Variants in MMP26 observed in about 807,000 individuals in gnomAD.
MMP26 encodes the protein matrix metallopeptidase 26, also known as matrix metalloproteinase-26.
In MMP26, 33 loss-of-function variants were observed where a neutral mutation model predicts 31.0. That is an observed-to-expected ratio of 1.06 (90% CI 0.81 to 1.42). MMP26 has a LOEUF of 1.42. Among genes scored for constraint, MMP26 ranks in the 40% most tolerant of loss-of-function variants. MMP26 has a pLI of 0.00. For missense variants in MMP26, 347 were observed against 316.1 expected (o/e 1.10, Z -0.74); for synonymous variants, 122 against 114.9 (o/e 1.06, Z -0.40).
chr11:4,864,934 G>T (rs1248519792), intron 2 of MMP26, among the ~76,000 whole-genome samples: 1 of 151,972 alleles, frequency 6.6e-6, no homozygotes, highest in Non-Finnish European at 1.5e-5. Flanking sequence ...TAGAGTTCGT[G>T]AGTCTTATAT....
chr11:4,776,540 T>G (rs1019567897), intron 2 of MMP26, among the ~76,000 whole-genome samples: 1 of 152,126 alleles, frequency 6.6e-6, no homozygotes, highest in African/African-American at 2.4e-5. Flanking sequence ...CTCTGATGAT[T>G]AGTGATATGG....
chr11:4,883,986 A>G (rs1041534174), intron 2 of MMP26, among the ~76,000 whole-genome samples: 6 of 152,110 alleles, frequency 3.9e-5, no homozygotes, highest in Admixed American at 1.3e-4. Context: ...CTTGGCAGAT[A>G]GGGAACACCA....
At chr11:4,949,338 G>A (rs1846349070) in intron 2 of MMP26, among the ~76,000 whole-genome samples, 1 of 122,650 alleles carries the variant, frequency 8.2e-6, no homozygotes, top group Non-Finnish European at 1.8e-5. Flanking sequence ...TACATAATAT[G>A]TTTTAAAAGT....
chr11:4,935,039 G>C, intron 2 of MMP26, among the ~76,000 whole-genome samples: 1 of 151,664 alleles, frequency 6.6e-6, no homozygotes, highest in East Asian at 1.9e-4. Context: ...TTTTGGCTTA[G>C]GATTGACTTG....
intron 2 of MMP26, among the ~76,000 whole-genome samples, chr11:4,911,503 C>T (rs1006019773): frequency 6.6e-6 from 1 of 152,136 alleles, no homozygotes; most frequent in African/African-American, 2.4e-5. Flanking sequence ...CTCTCTCAAC[C>T]ATCTTCAATT....
At chr11:4,946,579 G>A (rs375550618) in intron 2 of MMP26, 2 of 1,583,102 alleles carry the variant, frequency 1.3e-6, no homozygotes, top group African/African-American at 2.7e-5. Flanking sequence ...GGGATAATTG[G>A]TTTTTCTTGC....
intron 1 of MMP26, chr11:4,719,339 G>C (rs780552505): frequency 2.6e-5 from 4 of 153,470 alleles, no homozygotes; most frequent in Non-Finnish European, 4.4e-5. Flanking sequence ...TTCAGCACAT[G>C]TATCTCCCAT....
chr11:4,957,192 A>C (rs7942178), intron 2 of MMP26, among the ~76,000 whole-genome samples: 1 of 152,224 alleles, frequency 6.6e-6, no homozygotes, highest in African/African-American at 2.4e-5. Flanking sequence ...TTTTAAATTA[A>C]GATACACACA....
chr11:4,798,966 T>G (rs1405810044), intron 2 of MMP26, among the ~76,000 whole-genome samples: 1 of 152,196 alleles, frequency 6.6e-6, no homozygotes, highest in Non-Finnish European at 1.5e-5. Context: ...CACGAAAAGC[T>G]GATGTACCAG....
intron 1 of MMP26, among the ~76,000 whole-genome samples, chr11:4,731,729 T>G (rs1260934996): frequency 6.6e-6 from 1 of 152,240 alleles, no homozygotes; most frequent in Non-Finnish European, 1.5e-5. Flanking sequence ...CATGTGTGGG[T>G]TCATACATGT....
intron 2 of MMP26, chr11:4,914,291 C>A (rs1175608136): frequency 6.2e-6 from 1 of 160,782 alleles, no homozygotes; most frequent in Non-Finnish European, 1.4e-5. Flanking sequence ...GTTTCAAAAA[C>A]AAGCGTTGAG....
chr11:4,945,679 A>C (rs12789377), intron 2 of MMP26: 27,686 of 190,656 alleles, frequency 0.15, 2,185 homozygotes, highest in South Asian at 0.17. Context: ...TATGCTCACT[A>C]CCCGGGTCCC....
intron 1 of MMP26, among the ~76,000 whole-genome samples, chr11:4,758,026 GCATATGTACA>G (rs931607527): frequency 6.6e-6 from 1 of 152,108 alleles, no homozygotes; most frequent in East Asian, 1.9e-4. Flanking sequence ...AGGAATGAAA[GCATATGTACA>G]CACAATACAT....
intron 2 of MMP26, among the ~76,000 whole-genome samples, chr11:4,822,973 T>C (rs1404345088): frequency 6.6e-6 from 1 of 152,166 alleles, no homozygotes; most frequent in African/African-American, 2.4e-5. Context: ...AGTTGGTAAT[T>C]ACATTGTTAA....
chr11:4,923,357 CCT>C (rs1851212200), intron 2 of MMP26: 4 of 1,519,516 alleles, frequency 2.6e-6, no homozygotes, highest in Admixed American at 2.2e-5. Flanking sequence ...TCCAAAACTT[CCT>C]CTCTTTACTC....
chr11:4,845,706 A>T (rs1409488662), intron 2 of MMP26, among the ~76,000 whole-genome samples: 1 of 152,188 alleles, frequency 6.6e-6, no homozygotes, highest in East Asian at 1.9e-4. Context: ...CTGACAAAGG[A>T]TTAATAACTA....
chr11:4,769,243 G>A (rs150300273), intron 2 of MMP26: 201 of 1,613,602 alleles, frequency 1.2e-4, no homozygotes, highest in Non-Finnish European at 1.6e-4. Flanking sequence ...TGAGGACAGA[G>A]TGAATAATTA....
At chr11:4,839,344 G>A (rs982218637) in intron 2 of MMP26, among the ~76,000 whole-genome samples, 2 of 151,794 alleles carry the variant, frequency 1.3e-5, no homozygotes, top group African/African-American at 4.8e-5. Flanking sequence ...GCAACCTACC[G>A]AGACACACTG....
intron 2 of MMP26, among the ~76,000 whole-genome samples, chr11:4,868,245 G>T (rs933886475): frequency 6.6e-6 from 1 of 152,118 alleles, no homozygotes; most frequent in Non-Finnish European, 1.5e-5. Context: ...GTGTGCTGGA[G>T]GGTATTCAGT....
Sources: allele counts gnomAD v4.1 joint callset (sites outside exome capture counted in the v4.1 genomes callset), GRCh38; gene constraint gnomAD v4.1.1; transcripts MANE v1.5; gene names NCBI Gene and HGNC (gene_info 2026-07-23, HGNC 2026-07-21).